The following BOC variants were observed in gnomAD, a reference collection of about 807,000 sequenced individuals.
BOC encodes BOC cell adhesion associated, oncogene regulated.
Under a neutral mutation model 112.0 loss-of-function variants are expected in BOC, and 76 were observed. The ratio of observed to expected loss-of-function variants is 0.68; its 90% CI spans 0.56 to 0.82. The LOEUF (loss-of-function observed/expected upper bound fraction) is 0.82. BOC is among the 40% of genes least tolerant of loss of function. BOC has a pLI of 0.00. For missense variants in BOC, 1,309 were observed against 1,511.7 expected, an observed-to-expected ratio of 0.87 and a Z score of 2.22; for synonymous variants, 580 against 599.8, an observed-to-expected ratio of 0.97 and a Z score of 0.48.
chr3:113,222,418 T>C (rs1940868995), intron 2 of BOC, among the ~76,000 whole-genome samples: 1 of 152,100 alleles, frequency 6.6e-6, no homozygotes, highest in African/African-American at 2.4e-5. Context: ...GGAGTATATG[T>C]ATATGGGGGG....
rs543472231 is a variant in BOC, at chr3:113,274,110, G to C, written c.1235-265G>C. On this transcript the variant is annotated intron_variant, in intron 8 of 19. Coordinates refer to ENST00000682979, the MANE Select transcript of BOC (RefSeq NM_001378074.1). The surrounding 1 kb of genome is among the most constrained non-coding windows in gnomAD (Gnocchi z 4.8). Reference sequence around the variant, plus strand: ...TTAGTTCACTGGAGATGCACCTCACGTGGATTCAGGAGTTTGCTTGCCATA... The same window carrying C: ...TTAGTTCACTGGAGATGCACCTCACCTGGATTCAGGAGTTTGCTTGCCATA... Among the ~76,000 whole-genome samples the C allele has an allele frequency of 6.6e-6, 1 of 152,180 alleles. No individual in the cohort carries two copies. Among genetic ancestry groups the C allele is most frequent in the Non-Finnish European group, 1.5e-5 (1 of 68,030 alleles).
At position 113,283,559 on chromosome 3, in the gene BOC, C is replaced by T. The variant is rs766736272; in HGVS notation, c.2583C>T (p.Val861=). ...ACCTGCCCTATCTGATTGTCGGGGT[C>T]GTCCTGGGCTCCATCGTTCTCATCA... ...SSDLPYLIVG[V]VLGSIVLIIV... Residue 861 remains valine (V), a synonymous_variant, in exon 16 of 20, where the codon GTC becomes GTT. Transcript: ENST00000682979. The T allele has an allele frequency of 5.6e-6, 9 of 1,613,870 alleles. No individual in the cohort carries two copies. Among genetic ancestry groups the T allele is most frequent in the Non-Finnish European group, 7.6e-6 (9 of 1,179,978 alleles).
chr3:113,214,602 A>G (rs2107558285), intron 1 of BOC, among the ~76,000 whole-genome samples: 1 of 152,356 alleles, frequency 6.6e-6, no homozygotes, highest in African/African-American at 2.4e-5. Context: ...TTAACTTGGC[A>G]CCAAAAGATA....
At position 113,284,467 on chromosome 3, in the gene BOC, C is replaced by T. The variant is rs371290617; in HGVS notation, c.2789C>T (p.Ala930Val). 9.9e-6 allele frequency: 16 copies of T among 1,614,250 alleles called. No homozygotes were observed. The highest frequency in any genetic ancestry group is 1.4e-5 in the Non-Finnish European group (16 of 1,180,040). Residue 930 changes from alanine (A) to valine (V), a missense_variant, in exon 17 of 20, where the codon GCC (alanine) becomes GTC (valine). Transcript: ENST00000682979. The part of the protein sequence containing the change: ...QPYLSGISGR[A>V]CANGIHMNRG... Reference sequence around the variant, plus strand: ...TACCTCAGTGGCATCAGTGGACGGGCCTGTGCTAATGGGATCCACATGAAT... The same window carrying T: ...TACCTCAGTGGCATCAGTGGACGGGTCTGTGCTAATGGGATCCACATGAAT...
At chr3:113,265,379 T>C (rs1463284431) in intron 4 of BOC, among the ~76,000 whole-genome samples, 1 of 152,024 alleles carries the variant, frequency 6.6e-6, no homozygotes, top group Non-Finnish European at 1.5e-5. Context: ...AAGAAACCTC[T>C]TGGTGGAGTA....
chr3:113,215,671 C>T (rs1481580601), intron 1 of BOC, among the ~76,000 whole-genome samples: 1 of 152,238 alleles, frequency 6.6e-6, no homozygotes, highest in Non-Finnish European at 1.5e-5. Context: ...AGTCACCACC[C>T]AGCTTTAAAA....
At chr3:113,271,062 T>C in intron 6 of BOC, 118 bp downstream of exon 6, 1 of 1,479,204 alleles carries the variant, frequency 6.8e-7, no homozygotes, top group Non-Finnish European at 9.3e-7. Context: ...CTGTGTGCAC[T>C]GGCTTTGGCC....
intron 19 of BOC, among the ~76,000 whole-genome samples, chr3:113,286,364 CA>C (rs1949693554): frequency 6.6e-6 from 1 of 152,228 alleles, no homozygotes; most frequent in South Asian, 2.1e-4. Context: ...GCCGCCTAAA[CA>C]TAGAAAGAGC....
At chr3:113,217,539 GAA>G (rs1939675005) in intron 2 of BOC, among the ~76,000 whole-genome samples, 1 of 140,776 alleles carries the variant, frequency 7.1e-6, no homozygotes. Context: ...AAAAAAAAAA[GAA>G]AGAGAGATGG....
In BOC at chr3:113,283,337, A is replaced by ATT. The variant is rs5851891; in HGVS notation, c.2435-66_2435-65dup. 8.2e-4 allele frequency: 1,150 copies of ATT among 1,394,118 alleles called. 3 individuals carry two copies. In the East Asian group the frequency reaches 0.012, roughly 14 times the overall value. The allele number at this position is 1,394,118 out of a possible 1,614,324, so 86.4% of individuals were successfully genotyped here. A position where few individuals can be genotyped will look rare whatever the true frequency, so the allele number is the denominator to read the frequency against. ...TTTCCCAAACCCATGGAATGGGGGT[A>ATT]TTTTTTTTTCTATTTGTTGTGAAGG... On this transcript the variant is annotated intron_variant, in intron 15 of 19. Coordinates refer to ENST00000682979, the MANE Select transcript of BOC (RefSeq NM_001378074.1).
chr3:113,249,755 G>T lies in BOC; in HGVS notation c.-48G>T. The T allele has an allele frequency of 1.3e-6, 2 of 1,512,428 alleles. No homozygotes were observed. Among genetic ancestry groups the T allele is most frequent in the South Asian group, 1.2e-5 (1 of 85,022 alleles). 93.7% of individuals were successfully genotyped at this position (1,512,428 alleles called of 1,614,324 possible). A position where few individuals can be genotyped will look rare whatever the true frequency, so the allele number is the denominator to read the frequency against. ...CAGGGACGGCAGTATCTCTTTGTGTGACCCTGGCGGCTTATGGGACGTTGG... is the reference window on the plus strand; with the variant it reads ...CAGGGACGGCAGTATCTCTTTGTGTTACCCTGGCGGCTTATGGGACGTTGG... On this transcript the variant is annotated 5_prime_UTR_variant, in exon 3 of 20. Transcript: ENST00000682979.
At chr3:113,217,288 G>A (rs1388517799) in intron 2 of BOC, among the ~76,000 whole-genome samples, 1 of 152,218 alleles carries the variant, frequency 6.6e-6, no homozygotes, top group Admixed American at 6.5e-5. Context: ...GGCCAAGGTG[G>A]GAAGACTGCT....
In BOC at chr3:113,286,713, G is replaced by A. The variant is rs987273535; in HGVS notation, c.3199G>A (p.Val1067Met). The A allele has an allele frequency of 2.5e-6, 4 of 1,608,884 alleles. No homozygotes were observed. Among genetic ancestry groups the A allele is most frequent in the East Asian group, 4.5e-5 (2 of 44,580 alleles). ...CCLGLVPVEE[V>M]DSPDSCQVSG... ...CTTGGGCCTTGTGCCAGTTGAAGAG[G>A]TGGACAGTCCTGACTCCTGCCAAGT... Residue 1067 changes from valine (V) to methionine (M), a missense_variant, in exon 20 of 20, where the codon GTG becomes ATG. Coordinates refer to ENST00000682979, the MANE Select transcript of BOC (RefSeq NM_001378074.1).
At chr3:113,262,302 G>A (rs982202557) in intron 4 of BOC, among the ~76,000 whole-genome samples, 2 of 152,240 alleles carry the variant, frequency 1.3e-5, no homozygotes, top group Non-Finnish European at 1.5e-5. Flanking sequence ...CTACGCTGGA[G>A]AACACCACGC....
chr3:113,285,797 C>T (rs547613504), intron 19 of BOC, among the ~76,000 whole-genome samples: 10 of 152,292 alleles, frequency 6.6e-5, no homozygotes, highest in Admixed American at 5.2e-4. Flanking sequence ...TGATAAGCTG[C>T]GGTCCTCAGC....
At chr3:113,262,694 A>C (rs1256230478) in intron 4 of BOC, among the ~76,000 whole-genome samples, 2 of 152,248 alleles carry the variant, frequency 1.3e-5, no homozygotes, top group East Asian at 3.8e-4. Context: ...CATCCTCAGC[A>C]GAAAACTGCC....
At position 113,250,570 on chromosome 3, in the gene BOC, T is replaced by G; in HGVS notation, c.113T>G (p.Val38Gly). The G allele has an allele frequency of 6.2e-7, 1 of 1,612,554 alleles. No individual in the cohort carries two copies. The highest frequency in any genetic ancestry group is 1.1e-5 in the South Asian group (1 of 90,804). Residue 38 changes from valine to glycine, a missense_variant, in exon 4 of 20, where the codon GTC becomes GGC. Physicochemically the swap from Val to Gly is moderately radical, Grantham distance 109 (BLOSUM62 -3). Coordinates refer to ENST00000682979, the MANE Select transcript of BOC (RefSeq NM_001378074.1). ...CTTCCTCCAGACGAGGTCCCTCAGG[T>G]CACCGTCCAGCCTGCGTCCACCGTC... is the stretch of plus-strand genomic sequence containing the variant. Reference protein sequence around the residue: ...CFADLNEVPQVTVQPASTVQK... With the variant: ...CFADLNEVPQGTVQPASTVQK...
intron 2 of BOC, among the ~76,000 whole-genome samples, chr3:113,247,059 C>T (rs1269915338): frequency 6.6e-6 from 1 of 152,152 alleles, no homozygotes; most frequent in Admixed American, 6.5e-5. Context: ...CCGTAGCCAC[C>T]GTGTGTTCAG....
intron 2 of BOC, among the ~76,000 whole-genome samples, chr3:113,236,317 TGGA>T (rs1172883801): frequency 5.5e-5 from 5 of 90,794 alleles, no homozygotes; most frequent in Non-Finnish European, 1.1e-4. Flanking sequence ...TATATACCCA[TGGA>T]ATACTGCTCA....
Sources: allele counts gnomAD v4.1 joint callset (sites outside exome capture counted in the v4.1 genomes callset), GRCh38; gene constraint gnomAD v4.1.1; non-coding constraint Gnocchi (gnomAD v3.1); transcripts MANE v1.5; gene names NCBI Gene and HGNC (gene_info 2026-07-23, HGNC 2026-07-21).